The following GABRG3 variants were observed in gnomAD, a reference collection of about 807,000 sequenced individuals.
GABRG3 encodes the protein gamma-aminobutyric acid type A receptor subunit gamma3.
In GABRG3, 25 loss-of-function variants were observed where a neutral mutation model predicts 48.8. The ratio of observed to expected loss-of-function variants is 0.51; its 90% confidence interval spans 0.37 to 0.72. The LOEUF (loss-of-function observed/expected upper bound fraction) is 0.72. Among genes scored for constraint, GABRG3 ranks in the 30% least tolerant of loss-of-function variants. The pLI is 0.00. For missense variants in GABRG3, 394 were observed against 577.9 expected (o/e 0.68, Z 3.26); for synonymous variants, 227 against 217.6 (o/e 1.04, Z -0.38).
chr15:27,038,135 C>G (rs1896210524), intron 3 of GABRG3, among the ~76,000 whole-genome samples: 2 of 152,150 alleles, frequency 1.3e-5, no homozygotes, highest in African/African-American at 4.8e-5. Flanking sequence ...GCCACTGTAA[C>G]AAATACCTTA....
intron 3 of GABRG3, among the ~76,000 whole-genome samples, chr15:27,044,480 G>T (rs1418725997): frequency 6.6e-6 from 1 of 152,052 alleles, no homozygotes; most frequent in Non-Finnish European, 1.5e-5. Context: ...TTCACATTTT[G>T]AAATCAAATG....
chr15:27,433,195 C>T (rs1888507587), intron 5 of GABRG3, among the ~76,000 whole-genome samples: 1 of 152,138 alleles, frequency 6.6e-6, no homozygotes, highest in African/African-American at 2.4e-5. Flanking sequence ...TTGCCCATGC[C>T]CAAAGGCGGA....
At chr15:27,263,923 CAAAA>C (rs71132805) in intron 3 of GABRG3, among the ~76,000 whole-genome samples, 88,592 of 136,670 alleles carry the variant, frequency 0.65, 27,745 homozygotes, top group Non-Finnish European at 0.71. Context: ...GAGACTCTGT[CAAAA>C]AAAAAAAAAA....
chr15:27,358,224 C>T (rs1181899815), intron 5 of GABRG3, among the ~76,000 whole-genome samples: 2 of 152,124 alleles, frequency 1.3e-5, no homozygotes, highest in Admixed American at 1.3e-4. Flanking sequence ...AAAATGGCTA[C>T]CAAACACCCC....
chr15:27,513,658 A>C lies in GABRG3; in HGVS notation c.713-6314A>C, dbSNP rs1022504594. On this transcript the variant is annotated intron_variant, in intron 6 of 9. Transcript: ENST00000615808. ...ATGTTTGTGAGACGAGGAAAAGAAT[A>C]AAACAAATAGGACAAACTGTTTAAA... is the stretch of plus-strand genomic sequence containing the variant. 2.6e-5 allele frequency among the ~76,000 whole-genome samples: 4 copies of C among 151,920 alleles called. No homozygotes were observed. The South Asian group carries it at 8.3e-4, about 31-fold the overall frequency.
At chr15:27,328,590 C>G (rs140570569) in intron 4 of GABRG3, among the ~76,000 whole-genome samples, 6 of 152,348 alleles carry the variant, frequency 3.9e-5, no homozygotes, top group Non-Finnish European at 8.8e-5. Flanking sequence ...CTGGAATTCT[C>G]TGTGCCACTG....
At chr15:27,490,372 G>C (rs571313739) in intron 6 of GABRG3, among the ~76,000 whole-genome samples, 1 of 152,322 alleles carries the variant, frequency 6.6e-6, no homozygotes, top group Admixed American at 6.5e-5. Context: ...TGGCTGCCTA[G>C]GTGGGGAATT....
chr15:27,290,465 A>G (rs1017989411), intron 3 of GABRG3, among the ~76,000 whole-genome samples: 2 of 152,184 alleles, frequency 1.3e-5, no homozygotes, highest in Admixed American at 1.3e-4. Context: ...GATCTTATCC[A>G]GATGATCAAG....
At chr15:27,434,954 C>G (rs1306696379) in intron 5 of GABRG3, among the ~76,000 whole-genome samples, 1 of 152,168 alleles carries the variant, frequency 6.6e-6, no homozygotes, top group Non-Finnish European at 1.5e-5. Context: ...CCACTTCTCT[C>G]CAATCCAACA....
At chr15:27,263,004 T>TTCCCA (rs1299155572) in intron 3 of GABRG3, among the ~76,000 whole-genome samples, 2 of 152,228 alleles carry the variant, frequency 1.3e-5, no homozygotes, top group Non-Finnish European at 2.9e-5. Flanking sequence ...CGGACTCTCA[T>TTCCCA]TCCCATTGTA....
intron 7 of GABRG3, among the ~76,000 whole-genome samples, chr15:27,526,280 A>G (rs1891275449): frequency 1.3e-5 from 2 of 152,330 alleles, no homozygotes; most frequent in South Asian, 4.1e-4. Flanking sequence ...CCTTGAGTAG[A>G]TGCAGGGAGG....
intron 5 of GABRG3, chr15:27,350,528 G>A (rs751604526): frequency 2.2e-5 from 5 of 224,170 alleles, no homozygotes; most frequent in Admixed American, 1.5e-4. Context: ...GACAGATGGC[G>A]AAGGCGTGGG....
chr15:27,109,521 A>G (rs1342420588), intron 3 of GABRG3, among the ~76,000 whole-genome samples: 1 of 152,090 alleles, frequency 6.6e-6, no homozygotes, highest in African/African-American at 2.4e-5. Flanking sequence ...GCAACCAATG[A>G]TTGTTTTCCT....
chr15:27,378,342 C>T (rs948248258), intron 5 of GABRG3, among the ~76,000 whole-genome samples: 1 of 152,166 alleles, frequency 6.6e-6, no homozygotes, highest in Admixed American at 6.5e-5. Flanking sequence ...CTCCTGTGGG[C>T]TAGAGTAGGC....
intron 3 of GABRG3, among the ~76,000 whole-genome samples, chr15:27,069,064 T>C (rs745689327): frequency 5.9e-5 from 9 of 152,156 alleles, no homozygotes; most frequent in Non-Finnish European, 1.2e-4. Context: ...AGAGAAGGCA[T>C]GTTTACGCTG....
Position 27,283,079 on chromosome 15 carries a change from GT to G in GABRG3, c.271-43729del, listed in dbSNP as rs558450265. Among the ~76,000 whole-genome samples the G allele has an allele frequency of 2.6e-3, 395 of 152,294 alleles. 2 individuals carry two copies. Among genetic ancestry groups the G allele is most frequent in the Non-Finnish European group, 4.3e-3 (292 of 68,024 alleles). ...GGGTGCTTTGTTGTGCTGAGTTACAGTGGAAATTCAGGCTGCGCATTCACCC... is the reference window on the plus strand; with the variant it reads ...GGGTGCTTTGTTGTGCTGAGTTACAGGGAAATTCAGGCTGCGCATTCACCC... On this transcript the variant is annotated intron_variant, in intron 3 of 9. Transcript: ENST00000615808.
chr15:27,413,128 A>C (rs944647331), intron 5 of GABRG3, among the ~76,000 whole-genome samples: 9 of 152,224 alleles, frequency 5.9e-5, no homozygotes, highest in African/African-American at 1.9e-4. Context: ...CAAGTAAGCC[A>C]ATAGATTATA....
intron 5 of GABRG3, among the ~76,000 whole-genome samples, chr15:27,344,714 A>T (rs929510676): frequency 2.0e-5 from 3 of 151,920 alleles, no homozygotes; most frequent in Admixed American, 6.6e-5. Flanking sequence ...TTGATAAACC[A>T]TTTTTTTAAT....
intron 3 of GABRG3, chr15:27,158,542 A>T (rs1898494204): frequency 6.6e-6 from 1 of 152,250 alleles, no homozygotes. Flanking sequence ...CAATTATAGC[A>T]GTAATTAAAA....
Sources: allele counts gnomAD v4.1 joint callset (sites outside exome capture counted in the v4.1 genomes callset), GRCh38; gene constraint gnomAD v4.1.1; transcripts MANE v1.5; gene names NCBI Gene and HGNC (gene_info 2026-07-23, HGNC 2026-07-21).